The following NRG3 variants were observed in gnomAD, a reference collection of about 807,000 sequenced individuals.
NRG3 encodes pro-neuregulin-3, membrane-bound isoform.
In NRG3, 31 loss-of-function variants were observed where a neutral mutation model predicts 66.9. That is an observed-to-expected ratio of 0.46 (90% CI 0.35 to 0.63). NRG3 has a LOEUF of 0.63. NRG3 is among the 20% of genes least tolerant of loss of function. The pLI, the probability that NRG3 is intolerant of heterozygous loss-of-function variation, is 0.00. For synonymous variants in NRG3, 393 were observed against 359.4 expected (o/e 1.09, Z -1.06); for missense variants, 910 against 878.9 (o/e 1.04, Z -0.45).
intron 1 of NRG3, among the ~76,000 whole-genome samples, chr10:82,309,589 T>A (rs1012720711): frequency 6.6e-6 from 1 of 152,180 alleles, no homozygotes; most frequent in African/African-American, 2.4e-5. Context: ...CTATCCAAGC[T>A]GCCTAGCTGC....
At chr10:82,438,206 A>T (rs1028811756) in intron 2 of NRG3, among the ~76,000 whole-genome samples, 1 of 152,226 alleles carries the variant, frequency 6.6e-6, no homozygotes. Context: ...TTAGGGGCTC[A>T]GGCCCAGGGA....
chr10:82,885,523 G>T (rs1432220728), intron 4 of NRG3, among the ~76,000 whole-genome samples: 1 of 152,168 alleles, frequency 6.6e-6, no homozygotes, highest in East Asian at 1.9e-4. Context: ...ACTTGAGTTT[G>T]TAAAGCTTCT....
intron 2 of NRG3, among the ~76,000 whole-genome samples, chr10:82,632,286 A>G (rs56059068): frequency 0.023 from 3,574 of 152,162 alleles, 138 homozygotes; most frequent in African/African-American, 0.081. Flanking sequence ...CTGGGCTACT[A>G]TTTCATAGAC....
At chr10:82,159,824 T>C (rs1170266333) in intron 1 of NRG3, among the ~76,000 whole-genome samples, 1 of 151,890 alleles carries the variant, frequency 6.6e-6, no homozygotes, top group African/African-American at 2.4e-5. Context: ...GAAGTCACTC[T>C]TCTAAAGGAA....
chr10:82,423,093 T>A (rs1892415), intron 2 of NRG3, among the ~76,000 whole-genome samples: 65,227 of 151,750 alleles, frequency 0.43, 17,919 homozygotes, highest in African/African-American at 0.78. Flanking sequence ...TTCAAATAAA[T>A]TAGACTATAG....
chr10:82,745,004 C>G (rs1446263824), intron 3 of NRG3, among the ~76,000 whole-genome samples: 1 of 152,150 alleles, frequency 6.6e-6, no homozygotes, highest in African/African-American at 2.4e-5. Context: ...AGCCTATTAC[C>G]TGGCCTCGAA....
intron 1 of NRG3, among the ~76,000 whole-genome samples, chr10:82,026,353 A>G (rs971293381): frequency 1.3e-5 from 2 of 152,036 alleles, no homozygotes; most frequent in Non-Finnish European, 2.9e-5. Flanking sequence ...ATTGTTATGG[A>G]CACTGTTTTG....
intron 1 of NRG3, among the ~76,000 whole-genome samples, chr10:82,177,775 T>A (rs556679838): frequency 1.3e-5 from 2 of 152,282 alleles, no homozygotes; most frequent in South Asian, 4.1e-4. Context: ...AGAATCTTGT[T>A]ATTAAACATG....
chr10:82,239,954 A>T (rs2076934573), intron 1 of NRG3, among the ~76,000 whole-genome samples: 1 of 152,224 alleles, frequency 6.6e-6, no homozygotes, highest in South Asian at 2.1e-4. Context: ...TCTTAATATT[A>T]TAACGCCTTT....
chr10:82,531,122 A>G (rs993633338), intron 2 of NRG3, among the ~76,000 whole-genome samples: 3 of 151,726 alleles, frequency 2.0e-5, no homozygotes, highest in African/African-American at 7.2e-5. Flanking sequence ...ATTTTAGTGA[A>G]AGTATTTTCT....
chr10:82,465,927 C>T (rs1176280366), intron 2 of NRG3, among the ~76,000 whole-genome samples: 1 of 152,110 alleles, frequency 6.6e-6, no homozygotes, highest in African/African-American at 2.4e-5. Flanking sequence ...ACTCAGGGAA[C>T]AGTCGTTGCT....
chr10:82,426,392 T>C (rs1023005429), intron 2 of NRG3, among the ~76,000 whole-genome samples: 2 of 152,036 alleles, frequency 1.3e-5, no homozygotes, highest in Non-Finnish European at 2.9e-5. Context: ...CCGTTGTTCC[T>C]TGTAAGCTCT....
chr10:81,956,417 G>A (rs1447232445), intron 1 of NRG3, among the ~76,000 whole-genome samples: 1 of 152,172 alleles, frequency 6.6e-6, no homozygotes, highest in Non-Finnish European at 1.5e-5. Context: ...TCTAGCTTTT[G>A]AGTCATTTGG....
At chr10:82,340,168 C>G (rs1038060707) in intron 1 of NRG3, among the ~76,000 whole-genome samples, 1 of 152,072 alleles carries the variant, frequency 6.6e-6, no homozygotes, top group African/African-American at 2.4e-5. Context: ...CTGTTATAAT[C>G]TCAGTTTCTC....
intron 1 of NRG3, among the ~76,000 whole-genome samples, chr10:82,159,028 T>A (rs1006764561): frequency 7.9e-5 from 12 of 151,866 alleles, no homozygotes; most frequent in African/African-American, 2.9e-4. Context: ...GGTTTCAATT[T>A]TTTTTAGTAG....
intron 1 of NRG3, among the ~76,000 whole-genome samples, chr10:82,298,271 GGA>G (rs2080193349): frequency 6.6e-6 from 1 of 151,140 alleles, no homozygotes; most frequent in Non-Finnish European, 1.5e-5. Context: ...GGGAAGGAAG[GGA>G]GAGAGGGAGG....
chr10:82,682,403 AG>A (rs1221950562), intron 2 of NRG3, among the ~76,000 whole-genome samples: 12 of 86,204 alleles, frequency 1.4e-4, no homozygotes, highest in Non-Finnish European at 3.1e-4. Context: ...ATAGACAGAT[AG>A]ATAGATAGAT....
chr10:82,245,985 T>TG (rs1554859757), intron 1 of NRG3, among the ~76,000 whole-genome samples: 4 of 117,842 alleles, frequency 3.4e-5, no homozygotes, highest in Non-Finnish European at 8.2e-5. Flanking sequence ...CTGGTTTTTT[T>TG]TTTTTTTTTT....
intron 3 of NRG3, among the ~76,000 whole-genome samples, chr10:82,804,739 C>T (rs1015021962): frequency 4.6e-5 from 7 of 152,302 alleles, no homozygotes; most frequent in Admixed American, 3.9e-4. Context: ...ACACCACTTT[C>T]TTGCCAACTA....
Sources: allele counts gnomAD v4.1 joint callset (sites outside exome capture counted in the v4.1 genomes callset), GRCh38; gene constraint gnomAD v4.1.1; transcripts MANE v1.5; gene names NCBI Gene and HGNC (gene_info 2026-07-23, HGNC 2026-07-21).